XRRA1: variants seen among roughly 807,000 people sequenced by gnomAD.
XRRA1 encodes the protein X-ray radiation resistance-associated protein 1.
XRRA1 carries 69 observed loss-of-function variants against 80.2 expected under a neutral mutation model. The ratio of observed to expected loss-of-function variants is 0.86; its 90% confidence interval spans 0.71 to 1.05. The LOEUF (loss-of-function observed/expected upper bound fraction) is 1.05, where lower values mean the gene tolerates loss of function less well. XRRA1 is among the 50% of genes least tolerant of loss of function. The pLI, the probability that XRRA1 is intolerant of heterozygous loss-of-function variation, is 0.00. For missense variants in XRRA1, 967 were observed against 976.4 expected, an observed-to-expected ratio of 0.99 and a Z score of 0.13; for synonymous variants, 348 against 389.9, an observed-to-expected ratio of 0.89 and a Z score of 1.27.
intron 8 of XRRA1, among the ~76,000 whole-genome samples, chr11:74,908,774 A>G (rs1003550640): frequency 6.6e-6 from 1 of 152,172 alleles, no homozygotes; most frequent in Non-Finnish European, 1.5e-5. Context: ...ACCATGAGGA[A>G]TGGAGAGGGA....
intron 10 of XRRA1, among the ~76,000 whole-genome samples, chr11:74,904,475 A>G (rs2054167167): frequency 6.6e-6 from 1 of 152,100 alleles, no homozygotes. Context: ...AAGAAAAAAA[A>G]AAAAGTTTTA....
intron 10 of XRRA1, among the ~76,000 whole-genome samples, chr11:74,886,632 A>G (rs1419920692): frequency 2.0e-5 from 3 of 152,222 alleles, no homozygotes; most frequent in Admixed American, 6.5e-5. Flanking sequence ...TAAACTGGCC[A>G]TATTGCCCAA....
chr11:74,940,251 A>G (rs868651540), intron 3 of XRRA1, among the ~76,000 whole-genome samples: 1 of 152,208 alleles, frequency 6.6e-6, no homozygotes, highest in Non-Finnish European at 1.5e-5. Flanking sequence ...GGCAGAGTCG[A>G]ATTTAAGCCA....
chr11:74,893,164 C>G (rs997127686), intron 10 of XRRA1, among the ~76,000 whole-genome samples: 2 of 152,096 alleles, frequency 1.3e-5, no homozygotes, highest in African/African-American at 4.8e-5. Flanking sequence ...CCCAAATGTC[C>G]AACAATGACA....
intron 5 of XRRA1, chr11:74,931,678 A>G (rs1252892929): frequency 6.6e-6 from 1 of 152,202 alleles, no homozygotes; most frequent in East Asian, 1.9e-4. Flanking sequence ...AATATATTGC[A>G]AGTTTATTCA....
chr11:74,843,702 G>A (rs2037086603), intron 18 of XRRA1, 152 bp downstream of exon 18: 16 of 826,318 alleles, frequency 1.9e-5, no homozygotes, highest in South Asian at 7.1e-5. Context: ...CCTGCCTCAC[G>A]CTGGCTCTCC....
chr11:74,845,297 A>C (rs756454097), intron 15 of XRRA1, 26 bp from the exon 16 acceptor site: 2 of 1,585,622 alleles, frequency 1.3e-6, no homozygotes, highest in Non-Finnish European at 1.7e-6. Flanking sequence ...AAACGCATTC[A>C]TTTGTCACTC....
intron 14 of XRRA1, among the ~76,000 whole-genome samples, chr11:74,849,910 C>A (rs2135507184): frequency 6.6e-6 from 1 of 152,308 alleles, no homozygotes; most frequent in East Asian, 1.9e-4. Context: ...TCCATGTAAC[C>A]CCAGGGGTCT....
intron 12 of XRRA1, among the ~76,000 whole-genome samples, chr11:74,856,534 G>T (rs2041144271): frequency 6.6e-6 from 1 of 152,236 alleles, no homozygotes; most frequent in African/African-American, 2.4e-5. Flanking sequence ...CACAGACACT[G>T]GCCTGCCTGT....
At chr11:74,924,162 G>A (rs1438117716) in intron 7 of XRRA1, among the ~76,000 whole-genome samples, 1 of 147,606 alleles carries the variant, frequency 6.8e-6, no homozygotes, top group Non-Finnish European at 1.5e-5. Context: ...TTTTTAAATG[G>A]TTGAAAAAAA....
intron 8 of XRRA1, 118 bp downstream of exon 8, chr11:74,921,096 A>G: frequency 7.3e-7 from 1 of 1,361,154 alleles, no homozygotes; most frequent in Non-Finnish European, 1.0e-6. Flanking sequence ...AGTAGGTGCC[A>G]TTATCCCTGC....
chr11:74,907,367 G>A, intron 8 of XRRA1, 94 bp from the exon 9 acceptor site: 1 of 1,523,026 alleles, frequency 6.6e-7, no homozygotes, highest in Non-Finnish European at 8.9e-7. Flanking sequence ...CAATTAGGAG[G>A]ACTAACCAGC....
intron 14 of XRRA1, among the ~76,000 whole-genome samples, chr11:74,849,905 G>A (rs572582184): frequency 6.6e-6 from 1 of 152,272 alleles, no homozygotes; most frequent in Non-Finnish European, 1.5e-5. Flanking sequence ...CTTTGTCCAT[G>A]TAACCCCAGG....
At chr11:74,883,727 T>C (rs1014970943) in intron 10 of XRRA1, among the ~76,000 whole-genome samples, 2 of 152,096 alleles carry the variant, frequency 1.3e-5, no homozygotes, top group Admixed American at 1.3e-4. Context: ...ATGATGCCCC[T>C]CTTCAGCAGG....
Position 74,869,031 on chromosome 11 carries a change from A to G in XRRA1, c.1004-6010T>C, listed in dbSNP as rs760652349. ...CATCTACAGAACACTCCACCCCAAA[A>G]CAACAGAATATACATTCTTCTCAGC... On this transcript the variant is annotated intron_variant, in intron 10 of 18. Coordinates refer to ENST00000684022, the MANE Select transcript of XRRA1 (RefSeq NM_001378157.1). Among the ~76,000 whole-genome samples the G allele has an allele frequency of 2.8e-4, 42 of 152,138 alleles. 1 individual carries two copies. Among genetic ancestry groups the G allele is most frequent in the Non-Finnish European group, 5.0e-4 (34 of 68,018 alleles).
chr11:74,924,087 C>T (rs1170752320), intron 7 of XRRA1, among the ~76,000 whole-genome samples: 1 of 151,930 alleles, frequency 6.6e-6, no homozygotes, highest in Non-Finnish European at 1.5e-5. Context: ...AGCGATCCTC[C>T]CATCCTGGCC....
chr11:74,857,600 C>CCTAAGTT (rs2041415277), intron 12 of XRRA1, among the ~76,000 whole-genome samples: 2 of 152,162 alleles, frequency 1.3e-5, no homozygotes, highest in African/African-American at 4.8e-5. Context: ...CTGAGTGACA[C>CCTAAGTT]AACCAACCAC....
At chr11:74,869,132 T>C (rs1214159210) in intron 10 of XRRA1, among the ~76,000 whole-genome samples, 3 of 151,462 alleles carry the variant, frequency 2.0e-5, no homozygotes, top group Non-Finnish European at 2.9e-5. Flanking sequence ...TAAAAAAAAA[T>C]GAAATCATAC....
intron 18 of XRRA1, 162 bp downstream of exon 18, chr11:74,843,692 C>T (rs1369769000): frequency 1.2e-6 from 1 of 814,420 alleles, no homozygotes; most frequent in Non-Finnish European, 1.9e-6. Flanking sequence ...TAGGCAACTC[C>T]CTGCCTCACG....
Sources: gnomAD v4.1 joint callset for allele counts (sites outside exome capture counted in the v4.1 genomes callset) on GRCh38, gnomAD v4.1.1 for gene constraint, MANE v1.5 for transcripts, NCBI Gene and HGNC (gene_info 2026-07-23, HGNC 2026-07-21) for gene names.